ANO4: variants seen among roughly 807,000 people sequenced by gnomAD.
The protein encoded by ANO4 is anoctamin-4.
In ANO4, 69 loss-of-function variants were observed where a neutral mutation model predicts 141.9. The ratio of observed to expected loss-of-function variants is 0.49; its 90% confidence interval spans 0.40 to 0.59. The LOEUF (loss-of-function observed/expected upper bound fraction) is 0.59, where lower values mean the gene tolerates loss of function less well. Ranked by LOEUF, ANO4 falls within the 20% of genes least tolerant of loss-of-function variation. The pLI, the probability that ANO4 is intolerant of heterozygous loss-of-function variation, is 0.00. For synonymous variants in ANO4, 350 were observed against 394.3 expected (o/e 0.89, Z 1.33); for missense variants, 894 against 1,162.2 (o/e 0.77, Z 3.36).
At chr12:101,086,964 G>A (rs2049529123) in intron 17 of ANO4, 140 bp downstream of exon 17, 2 of 996,004 alleles carry the variant, frequency 2.0e-6, no homozygotes, top group African/African-American at 1.6e-5. Context: ...CGAAGTGCCT[G>A]GCATGAAGAT....
rs150087812 is a variant in ANO4, at chr12:101,044,278, C to T, written c.1251+643C>T. Among the ~76,000 whole-genome samples, 424 of 152,108 alleles carry T rather than the reference C, an allele frequency of 2.8e-3. 6 individuals are homozygous for T. Among genetic ancestry groups the T allele is most frequent in the African/African-American group, 9.0e-3 (374 of 41,478 alleles). ...TCTCTGTCCTACCCTATTGGCATGA[C>T]GTGAGGACTAAAGAAGAGAATATAT... On this transcript the variant is annotated intron_variant, in intron 13 of 27. Transcript: ENST00000392977.
intron 14 of ANO4, chr12:101,068,503 C>T: frequency 9.3e-7 from 1 of 1,073,472 alleles, no homozygotes; most frequent in Non-Finnish European, 1.5e-6. Flanking sequence ...AAGATCGCAA[C>T]TTTCATATTT....
intron 9 of ANO4, among the ~76,000 whole-genome samples, chr12:101,035,006 A>G (rs573360756): frequency 6.6e-6 from 1 of 152,302 alleles, no homozygotes; most frequent in Admixed American, 6.5e-5. Flanking sequence ...AAAAAGTTAA[A>G]TGTTCATCTA....
chr12:100,801,789 G>A (rs2034712757), intron 1 of ANO4, among the ~76,000 whole-genome samples: 2 of 152,202 alleles, frequency 1.3e-5, no homozygotes, highest in Non-Finnish European at 1.5e-5. Flanking sequence ...AAGGAAAGAT[G>A]AGGAACGTTG....
intron 3 of ANO4, among the ~76,000 whole-genome samples, chr12:100,924,689 ATTAC>A (rs1248051682): frequency 6.6e-6 from 1 of 152,076 alleles, no homozygotes; most frequent in Non-Finnish European, 1.5e-5. Context: ...AAATTATGTA[ATTAC>A]TTCACTTGAT....
At chr12:100,958,291 G>A (rs967391123) in intron 5 of ANO4, among the ~76,000 whole-genome samples, 5 of 152,118 alleles carry the variant, frequency 3.3e-5, no homozygotes, top group Admixed American at 6.6e-5. Context: ...CTTTTGCTTC[G>A]TCCTCTCTAT....
intron 3 of ANO4, among the ~76,000 whole-genome samples, chr12:100,770,482 A>G (rs977169551): frequency 3.3e-5 from 5 of 152,252 alleles, no homozygotes; most frequent in African/African-American, 1.2e-4. Flanking sequence ...TTTTAGAAGT[A>G]TGAAGGACAG....
At chr12:100,915,964 GTAAC>G (rs771566184) in intron 2 of ANO4, among the ~76,000 whole-genome samples, 1 of 152,192 alleles carries the variant, frequency 6.6e-6, no homozygotes, top group Non-Finnish European at 1.5e-5. Context: ...TTTATTTAAA[GTAAC>G]TAAACTAAGG....
rs60194931 is a variant in ANO4, at chr12:100,945,963, A to G, written c.456+3428A>G. Among the ~76,000 whole-genome samples, 1,070 of 152,348 alleles carry G rather than the reference A, an allele frequency of 7.0e-3. 20 individuals are homozygous for G. The highest frequency in any genetic ancestry group is 0.024 in the African/African-American group (1,017 of 41,588). On this transcript the variant is annotated intron_variant, in intron 5 of 27. Transcript: ENST00000392977. ...GGAACTTAAACAAAAAATATGTACAACATATACAAATATCAGTAAGTGCTA... is the reference window on the plus strand; with the variant it reads ...GGAACTTAAACAAAAAATATGTACAGCATATACAAATATCAGTAAGTGCTA...
intron 1 of ANO4, among the ~76,000 whole-genome samples, chr12:100,717,801 A>G (rs2030675833): frequency 6.6e-6 from 1 of 152,216 alleles, no homozygotes; most frequent in African/African-American, 2.4e-5. Context: ...TCGGGACTCT[A>G]GAAACATTCC....
In ANO4 at chr12:101,042,362, T is replaced by C. The variant is rs2047441112; in HGVS notation, c.1048T>C (p.Tyr350His). The C allele has an allele frequency of 6.2e-7, 1 of 1,614,166 alleles. No homozygotes were observed. The highest frequency in any genetic ancestry group is 8.5e-7 in the Non-Finnish European group (1 of 1,180,006). ...GTACTTTGGAGAGAAGATTGGGTTA[T>C]ATTTTGCCTGGTTGGGCTGGTACAC... Reference protein sequence around the residue: ...RRYFGEKIGLYFAWLGWYTGM... With the variant: ...RRYFGEKIGLHFAWLGWYTGM... The change falls in exon 12 of 28, where the codon TAT becomes CAT. Residue 350 changes from tyrosine (Y) to histidine (H), a missense_variant. Around this residue, in one of 2 missense-constraint regions of ANO4, gnomAD observed 637 missense variants for 909.2 expected, o/e 0.70. Transcript: ENST00000392977.
At chr12:101,105,736 T>A (rs1188595257) in intron 22 of ANO4, among the ~76,000 whole-genome samples, 1 of 152,130 alleles carries the variant, frequency 6.6e-6, no homozygotes, top group Non-Finnish European at 1.5e-5. Flanking sequence ...GATTGAAAAA[T>A]TAAGACTTTT....
At chr12:100,720,257 C>T (rs1054595009) in intron 1 of ANO4, among the ~76,000 whole-genome samples, 10 of 151,924 alleles carry the variant, frequency 6.6e-5, no homozygotes, top group Non-Finnish European at 1.5e-4. Context: ...CGTGATGAGG[C>T]TTAATAAGGA....
intron 2 of ANO4, among the ~76,000 whole-genome samples, chr12:100,913,243 T>A (rs1417501594): frequency 6.6e-6 from 1 of 152,164 alleles, no homozygotes; most frequent in Non-Finnish European, 1.5e-5. Flanking sequence ...AGAAAGTGAA[T>A]GAAGAAGAGC....
At position 100,780,707 on chromosome 12, in the gene ANO4, C is replaced by T. The variant is rs138044872; in HGVS notation, c.358+40602C>T. Among the ~76,000 whole-genome samples, 309 of 152,210 alleles carry T rather than the reference C, an allele frequency of 2.0e-3. No individual in the cohort carries two copies. The Middle Eastern group carries it at 0.02, about 10-fold the overall frequency. ...GATCAATAGAGTCCTGACTGAGGGT[C>T]GGAACACAAGTACTGCTGATCTCCT... On this transcript the variant is annotated intron_variant, in intron 3 of 29. Transcript: ENST00000644049.
chr12:101,042,590 A>C, intron 12 of ANO4, 122 bp downstream of exon 12: 2 of 1,350,846 alleles, frequency 1.5e-6, no homozygotes, highest in South Asian at 2.8e-5. Context: ...CTACCCTCTC[A>C]TGGAAAAACT....
chr12:101,120,510 G>A lies in ANO4; in HGVS notation c.2571-10G>A, dbSNP rs747727677. The A allele has an allele frequency of 6.2e-7, 1 of 1,609,868 alleles. No individual in the cohort carries two copies. Among genetic ancestry groups the A allele is most frequent in the Non-Finnish European group, 8.5e-7 (1 of 1,176,486 alleles). On this transcript the variant is annotated splice_polypyrimidine_tract_variant and intron_variant, in intron 25 of 27. Transcript: ENST00000392977. Reference sequence around the variant, plus strand: ...TAGTTTGAATGCAACATTTTTCTGTGTCTTTATAGATACCGGGACTACCGT... The same window carrying A: ...TAGTTTGAATGCAACATTTTTCTGTATCTTTATAGATACCGGGACTACCGT...
rs554452171 is a variant in ANO4 at position 100,910,846 on chromosome 12, C to T, written c.55+9006C>T. 1.4e-3 allele frequency among the ~76,000 whole-genome samples: 215 copies of T among 152,050 alleles called. 2 individuals carry two copies. Among genetic ancestry groups the T allele is most frequent in the African/African-American group, 4.9e-3 (205 of 41,508 alleles). On this transcript the variant is annotated intron_variant, in intron 2 of 27. Transcript: ENST00000392977. The stretch of plus-strand genomic sequence containing the variant: ...TAGAATTTGTAAAATAATGTTTTGC[C>T]GATATGTGTTATTCCCAAGTAATTT...
At chr12:100,750,386 C>T (rs1328551832) in intron 3 of ANO4, among the ~76,000 whole-genome samples, 2 of 151,348 alleles carry the variant, frequency 1.3e-5, no homozygotes, top group Admixed American at 6.6e-5. Flanking sequence ...TCAAGTTATC[C>T]ACCTGCCTCG....
Sources: gnomAD v4.1 joint callset for allele counts (sites outside exome capture counted in the v4.1 genomes callset) on GRCh38, gnomAD v4.1.1 for gene constraint, gnomAD v4.1.1 regional missense constraint, MANE v1.5 for transcripts, NCBI Gene and HGNC (gene_info 2026-07-23, HGNC 2026-07-21) for gene names.